Variants in CDKAL1 observed in about 807,000 individuals in gnomAD.
The protein encoded by CDKAL1 is threonylcarbamoyladenosine tRNA methylthiotransferase.
A neutral mutation model predicts 68.2 loss-of-function variants in CDKAL1; 32 were observed. The observed-to-expected ratio is 0.47, with a 90% CI of 0.35 to 0.63. The LOEUF is 0.63. Ranked by LOEUF, CDKAL1 falls within the 30% of genes least tolerant of loss-of-function variation. The pLI, the probability that CDKAL1 is intolerant of heterozygous loss-of-function variation, is 0.00. For synonymous variants in CDKAL1, 234 were observed against 244.3 expected (o/e 0.96, Z 0.39); for missense variants, 606 against 696.7 (o/e 0.87, Z 1.47).
intron 13 of CDKAL1, among the ~76,000 whole-genome samples, chr6:21,119,320 T>C (rs952170797): frequency 3.9e-5 from 6 of 152,250 alleles, no homozygotes; most frequent in East Asian, 1.9e-4. Flanking sequence ...ATGATTCTTA[T>C]AGTAAAATCA....
intron 10 of CDKAL1, 48 bp downstream of exon 10, chr6:20,955,633 CCAGA>C (rs754072244): frequency 6.5e-6 from 10 of 1,548,650 alleles, no homozygotes; most frequent in Non-Finnish European, 8.8e-6. Flanking sequence ...ACTAACCAGT[CCAGA>C]CAGTGTGGCA....
intron 12 of CDKAL1, among the ~76,000 whole-genome samples, chr6:21,093,157 C>A (rs1462787884): frequency 6.6e-6 from 1 of 152,026 alleles, no homozygotes; most frequent in East Asian, 1.9e-4. Context: ...AAATGTAGAC[C>A]CATGCCAAGA....
intron 4 of CDKAL1, among the ~76,000 whole-genome samples, chr6:20,554,309 T>G (rs1194309806): frequency 1.3e-5 from 2 of 152,264 alleles, no homozygotes; most frequent in African/African-American, 2.4e-5. Flanking sequence ...ACCATGGCTT[T>G]TTAAAGAAAT....
rs577915395 is a variant in CDKAL1 at position 20,766,831 on chromosome 6, G to A, written c.517+8188G>A. The stretch of plus-strand genomic sequence containing the variant: ...TAATTTTTCTTAATAAATAAATAAA[G>A]CATCAATCCCAGAAAGAATTTGTAT... On this transcript the variant is annotated intron_variant, in intron 7 of 15. Transcript: ENST00000274695. 9.2e-5 allele frequency among the ~76,000 whole-genome samples: 14 copies of A among 152,016 alleles called. No homozygotes were observed. The South Asian group carries it at 2.5e-3, about 27-fold the overall frequency.
intron 15 of CDKAL1, among the ~76,000 whole-genome samples, chr6:21,205,100 G>C (rs1446464793): frequency 6.6e-6 from 1 of 152,158 alleles, no homozygotes; most frequent in Non-Finnish European, 1.5e-5. Context: ...TGTCCTCAGG[G>C]TTCATCCATG....
intron 4 of CDKAL1, among the ~76,000 whole-genome samples, 157 bp from the exon 5 acceptor site, chr6:20,649,136 T>C (rs1264198929): frequency 6.6e-6 from 1 of 152,250 alleles, no homozygotes; most frequent in Non-Finnish European, 1.5e-5. Flanking sequence ...TTCACAAATA[T>C]TTCCATGTTC....
At chr6:20,656,730 A>G (rs1451421933) in intron 5 of CDKAL1, among the ~76,000 whole-genome samples, 1 of 152,220 alleles carries the variant, frequency 6.6e-6, no homozygotes, top group East Asian at 1.9e-4. Context: ...TGTTATTAAT[A>G]TGGTTCAAAG....
chr6:21,117,587 T>C (rs1253364838), intron 13 of CDKAL1, among the ~76,000 whole-genome samples: 1 of 152,080 alleles, frequency 6.6e-6, no homozygotes, highest in Non-Finnish European at 1.5e-5. Context: ...TAGTGAGCTG[T>C]GATTGCACCA....
At chr6:21,191,263 A>G (rs1172173791) in intron 13 of CDKAL1, among the ~76,000 whole-genome samples, 1 of 152,190 alleles carries the variant, frequency 6.6e-6, no homozygotes, top group Non-Finnish European at 1.5e-5. Context: ...CAGCAACCAA[A>G]TTCTGTTGGA....
At chr6:20,799,448 G>A (rs951432107) in intron 8 of CDKAL1, among the ~76,000 whole-genome samples, 12 of 151,586 alleles carry the variant, frequency 7.9e-5, no homozygotes, top group African/African-American at 1.2e-4. Context: ...GGTAATATGC[G>A]ACGATTAATA....
chr6:21,196,316 C>A (rs1582398348), intron 13 of CDKAL1, among the ~76,000 whole-genome samples: 2 of 152,182 alleles, frequency 1.3e-5, no homozygotes, highest in South Asian at 2.1e-4. Context: ...TCTAAGTTTT[C>A]TTCTAGAAGA....
intron 5 of CDKAL1, among the ~76,000 whole-genome samples, chr6:20,669,383 C>G (rs1692813644): frequency 6.6e-6 from 1 of 152,084 alleles, no homozygotes; most frequent in Admixed American, 6.5e-5. Flanking sequence ...TTATTTATAT[C>G]AGTGTAGCCT....
chr6:21,092,025 T>C (rs1302968415), intron 12 of CDKAL1, among the ~76,000 whole-genome samples: 6 of 150,618 alleles, frequency 4.0e-5, no homozygotes, highest in South Asian at 2.1e-4. Flanking sequence ...TAGCTGGGAC[T>C]ACAGGCGCCC....
chr6:20,786,979 C>A (rs900462475), intron 8 of CDKAL1, among the ~76,000 whole-genome samples: 6 of 152,102 alleles, frequency 3.9e-5, no homozygotes, highest in African/African-American at 1.4e-4. Context: ...TCTTCCAAAG[C>A]CAAGAGTTAG....
intron 4 of CDKAL1, among the ~76,000 whole-genome samples, chr6:20,558,333 T>G (rs540089392): frequency 6.6e-6 from 1 of 152,308 alleles, no homozygotes; most frequent in South Asian, 2.1e-4. Context: ...ACAGGTTTGA[T>G]AGCTTCCCTA....
intron 5 of CDKAL1, among the ~76,000 whole-genome samples, chr6:20,710,176 G>T (rs55891369): frequency 0.047 from 7,174 of 152,110 alleles, 561 homozygotes; most frequent in African/African-American, 0.16. Flanking sequence ...GGAAATCATG[G>T]CATTTAAATA....
At chr6:20,653,464 T>C (rs1768865534) in intron 5 of CDKAL1, among the ~76,000 whole-genome samples, 1 of 152,182 alleles carries the variant, frequency 6.6e-6, no homozygotes, top group Non-Finnish European at 1.5e-5. Context: ...CTTTTTTTCT[T>C]TTCTTGAGAC....
chr6:20,903,887 C>T (rs1459257682), intron 9 of CDKAL1, among the ~76,000 whole-genome samples: 1 of 152,182 alleles, frequency 6.6e-6, no homozygotes, highest in Non-Finnish European at 1.5e-5. Context: ...ACTGACAGAA[C>T]CTGTTTGATG....
At chr6:21,055,881 A>G (rs1367475148) in intron 11 of CDKAL1, among the ~76,000 whole-genome samples, 1 of 152,218 alleles carries the variant, frequency 6.6e-6, no homozygotes, top group Non-Finnish European at 1.5e-5. Context: ...TTTTGGGTAT[A>G]TACCAAGAAA....
Sources: gnomAD v4.1 joint callset for allele counts (sites outside exome capture counted in the v4.1 genomes callset) on GRCh38, gnomAD v4.1.1 for gene constraint, MANE v1.5 for transcripts, NCBI Gene and HGNC (gene_info 2026-07-23, HGNC 2026-07-21) for gene names.